The following PDE4D variants were observed in gnomAD, a reference collection of about 807,000 sequenced individuals.
The protein encoded by PDE4D is phosphodiesterase 4D.
In PDE4D, 24 loss-of-function variants were observed where a neutral mutation model predicts 87.4. The ratio of observed to expected loss-of-function variants is 0.27; its 90% CI spans 0.20 to 0.39. The LOEUF is 0.39. Among genes scored for constraint, PDE4D ranks in the 10% least tolerant of loss-of-function variants. PDE4D has a pLI of 1.00. For missense variants in PDE4D, 714 were observed against 1,041.0 expected (o/e 0.69, Z 4.32); for synonymous variants, 384 against 383.2 (o/e 1.00, Z -0.02).
At chr5:59,691,865 G>GT (rs1312581852) in intron 1 of PDE4D, among the ~76,000 whole-genome samples, 7 of 151,884 alleles carry the variant, frequency 4.6e-5, no homozygotes. Context: ...TATATAGGAA[G>GT]TTCATTTTAT....
intron 1 of PDE4D, among the ~76,000 whole-genome samples, chr5:59,488,207 A>G (rs1582830969): frequency 6.6e-6 from 1 of 151,986 alleles, no homozygotes; most frequent in African/African-American, 2.4e-5. Flanking sequence ...TGTTGAAGCA[A>G]TGTAAAATAT....
At chr5:59,413,239 C>T (rs538535239) in intron 1 of PDE4D, among the ~76,000 whole-genome samples, 90 of 151,966 alleles carry the variant, frequency 5.9e-4, no homozygotes, top group Admixed American at 9.2e-4. Flanking sequence ...GGGCGGATCA[C>T]GAGGTCAGGA....
At chr5:59,871,236 G>T (rs1421102448) in intron 1 of PDE4D, among the ~76,000 whole-genome samples, 1 of 152,176 alleles carries the variant, frequency 6.6e-6, no homozygotes, top group African/African-American at 2.4e-5. Context: ...AAATGGCCTA[G>T]AAGTCAGAAG....
At chr5:59,668,887 A>G (rs1280831828) in intron 1 of PDE4D, among the ~76,000 whole-genome samples, 20 of 79,236 alleles carry the variant, frequency 2.5e-4, no homozygotes, top group African/African-American at 1.1e-3. Flanking sequence ...AAGAAGAAGA[A>G]GAAGAAGAAG....
intron 2 of PDE4D, among the ~76,000 whole-genome samples, chr5:60,153,135 A>C (rs568294598): frequency 3.3e-5 from 5 of 152,330 alleles, no homozygotes; most frequent in African/African-American, 1.2e-4. Context: ...ATCTGATAAG[A>C]GTTTGGTATC....
chr5:59,228,867 T>A (rs1414314401), intron 1 of PDE4D, among the ~76,000 whole-genome samples: 1 of 152,092 alleles, frequency 6.6e-6, no homozygotes, highest in Admixed American at 6.6e-5. Flanking sequence ...GCATACTCCC[T>A]CCCCAGGGCC....
intron 1 of PDE4D, among the ~76,000 whole-genome samples, chr5:60,394,041 G>T (rs1648640283): frequency 6.6e-6 from 1 of 152,032 alleles, no homozygotes; most frequent in Non-Finnish European, 1.5e-5. Flanking sequence ...GCTCAATAAA[G>T]CTCTAATTAG....
chr5:59,610,033 G>GTTC (rs1432148722), intron 1 of PDE4D, among the ~76,000 whole-genome samples: 2 of 152,150 alleles, frequency 1.3e-5, no homozygotes, highest in Non-Finnish European at 2.9e-5. Context: ...GGTGAATAGT[G>GTTC]TTCTGGTACT....
intron 5 of PDE4D, among the ~76,000 whole-genome samples, chr5:59,160,382 A>T (rs7737978): frequency 0.02 from 3,057 of 152,168 alleles, 111 homozygotes; most frequent in African/African-American, 0.069. Flanking sequence ...CTGGCTATCT[A>T]GCTATCTAGT....
chr5:59,491,172 C>T (rs1806115105), intron 1 of PDE4D, among the ~76,000 whole-genome samples: 1 of 152,124 alleles, frequency 6.6e-6, no homozygotes, highest in Admixed American at 6.6e-5. Context: ...TTGCCCTGTG[C>T]ACTTTTCTCT....
At chr5:59,768,118 A>C in intron 1 of PDE4D, 1 of 1,135,384 alleles carries the variant, frequency 8.8e-7, no homozygotes, top group Non-Finnish European at 1.3e-6. Context: ...AAGGGAGATC[A>C]CTTGGCCATA....
intron 1 of PDE4D, among the ~76,000 whole-genome samples, chr5:59,678,554 C>T (rs1748493607): frequency 6.6e-6 from 1 of 152,120 alleles, no homozygotes; most frequent in Non-Finnish European, 1.5e-5. Flanking sequence ...CAACCTCTAC[C>T]TCTGGGGTTC....
intron 1 of PDE4D, among the ~76,000 whole-genome samples, chr5:59,518,517 T>A (rs1811594115): frequency 6.6e-6 from 1 of 152,058 alleles, no homozygotes; most frequent in Non-Finnish European, 1.5e-5. Context: ...TATATCAATT[T>A]AGGAAGATAG....
intron 6 of PDE4D, among the ~76,000 whole-genome samples, chr5:58,995,448 AT>A (rs1261111116): frequency 6.6e-6 from 1 of 152,184 alleles, no homozygotes; most frequent in African/African-American, 2.4e-5. Flanking sequence ...TTCTAAGAAT[AT>A]TTGTAGACAT....
At chr5:60,042,149 C>T (rs1347997118) in intron 2 of PDE4D, among the ~76,000 whole-genome samples, 1 of 152,150 alleles carries the variant, frequency 6.6e-6, no homozygotes, top group Non-Finnish European at 1.5e-5. Context: ...ACTGAGGCTT[C>T]AGTAGGCGGT....
chr5:59,344,299 G>A (rs1779271017), intron 1 of PDE4D, among the ~76,000 whole-genome samples: 1 of 152,126 alleles, frequency 6.6e-6, no homozygotes, highest in South Asian at 2.1e-4. Flanking sequence ...AATGGTAAAG[G>A]GTGAGCGAAA....
intron 11 of PDE4D, among the ~76,000 whole-genome samples, chr5:58,982,375 C>T (rs1226904250): frequency 6.6e-6 from 1 of 152,172 alleles, no homozygotes; most frequent in Non-Finnish European, 1.5e-5. Flanking sequence ...CCAGCTGATT[C>T]AGGATGTTAG....
intron 1 of PDE4D, among the ~76,000 whole-genome samples, chr5:59,836,658 C>CTATCTATCT (rs61603830): frequency 8.3e-6 from 1 of 120,870 alleles, no homozygotes; most frequent in Non-Finnish European, 1.6e-5. Context: ...ATCTATCTAT[C>CTATCTATCT]ATCTATCTAC....
intron 1 of PDE4D, among the ~76,000 whole-genome samples, chr5:59,537,031 A>C (rs1815408463): frequency 3.3e-5 from 5 of 152,240 alleles, no homozygotes; most frequent in Non-Finnish European, 7.3e-5. Context: ...AGATGATTAA[A>C]TATAGGTATG....
Sources: allele counts gnomAD v4.1 joint callset (sites outside exome capture counted in the v4.1 genomes callset), GRCh38; gene constraint gnomAD v4.1.1; transcripts MANE v1.5; gene names NCBI Gene and HGNC (gene_info 2026-07-23, HGNC 2026-07-21).